Variants in GRXCR1 observed in about 807,000 individuals in gnomAD.
GRXCR1 encodes the protein glutaredoxin and cysteine rich domain containing 1.
In GRXCR1, 27 loss-of-function variants were observed where a neutral mutation model predicts 27.3. That is an observed-to-expected ratio of 0.99 (90% CI 0.73 to 1.37). The LOEUF is 1.37. GRXCR1 is among the 40% of genes most tolerant of loss of function. GRXCR1 has a pLI of 0.00. For synonymous variants in GRXCR1, 122 were observed against 131.1 expected, an observed-to-expected ratio of 0.93 and a Z score of 0.47; for missense variants, 379 against 354.4, an observed-to-expected ratio of 1.07 and a Z score of -0.56.
chr4:42,932,978 C>T (rs929936271), intron 1 of GRXCR1, among the ~76,000 whole-genome samples: 1 of 151,716 alleles, frequency 6.6e-6, no homozygotes, highest in African/African-American at 2.4e-5. Flanking sequence ...ATGAGAGAAT[C>T]ATCTATATGA....
chr4:42,987,655 G>C (rs575690728), intron 2 of GRXCR1, among the ~76,000 whole-genome samples: 1 of 152,180 alleles, frequency 6.6e-6, no homozygotes, highest in Admixed American at 6.6e-5. Flanking sequence ...AAGATTTCTA[G>C]AGAGAACAAA....
At chr4:42,991,168 G>A (rs1328175961) in intron 2 of GRXCR1, among the ~76,000 whole-genome samples, 1 of 151,832 alleles carries the variant, frequency 6.6e-6, no homozygotes, top group African/African-American at 2.4e-5. Flanking sequence ...TATGCATTTT[G>A]TTTTATTTTG....
chr4:42,943,663 G>A (rs768664170), intron 1 of GRXCR1, among the ~76,000 whole-genome samples: 2 of 152,066 alleles, frequency 1.3e-5, no homozygotes, highest in Non-Finnish European at 1.5e-5. Context: ...ATGGAGAAGA[G>A]CATGAGCATC....
At chr4:42,932,703 A>G (rs1251523716) in intron 1 of GRXCR1, among the ~76,000 whole-genome samples, 2 of 144,380 alleles carry the variant, frequency 1.4e-5, no homozygotes, top group South Asian at 4.5e-4. Context: ...CAGGGCTTCT[A>G]AAAAATATGA....
chr4:42,996,788 T>C (rs1472499497), intron 2 of GRXCR1, among the ~76,000 whole-genome samples: 1 of 151,906 alleles, frequency 6.6e-6, no homozygotes. Context: ...CCTGACAAAA[T>C]AAAATATAAA....
chr4:42,975,967 A>T (rs1323264535), intron 2 of GRXCR1, among the ~76,000 whole-genome samples: 2 of 152,120 alleles, frequency 1.3e-5, no homozygotes, highest in Admixed American at 1.3e-4. Flanking sequence ...TTATAGACCC[A>T]AGGAACAGCT....
intron 1 of GRXCR1, among the ~76,000 whole-genome samples, chr4:42,923,570 T>C (rs991573452): frequency 2.0e-5 from 3 of 152,128 alleles, no homozygotes; most frequent in South Asian, 4.1e-4. Flanking sequence ...AATAGCATGA[T>C]TGTAATTTGG....
chr4:42,975,603 C>T lies in GRXCR1; in HGVS notation c.627+12469C>T, dbSNP rs571348422. On this transcript the variant is annotated intron_variant, in intron 2 of 3. Coordinates refer to ENST00000399770, the MANE Select transcript of GRXCR1 (RefSeq NM_001080476.3). ...CTGGAGGCAGTGATACCGGAGTCCACGGTCTTACTGGAAACTGTAATCCCC... is the reference window on the plus strand; with the variant it reads ...CTGGAGGCAGTGATACCGGAGTCCATGGTCTTACTGGAAACTGTAATCCCC... Among the ~76,000 whole-genome samples the T allele has an allele frequency of 9.2e-5, 14 of 152,212 alleles. 1 individual carries two copies. The highest frequency in any genetic ancestry group is 5.8e-4 in the East Asian group (3 of 5,174).
At chr4:43,004,590 C>G (rs1031474348) in intron 2 of GRXCR1, among the ~76,000 whole-genome samples, 19 of 152,124 alleles carry the variant, frequency 1.2e-4, no homozygotes, top group African/African-American at 4.6e-4. Flanking sequence ...CCTTGGGAGC[C>G]CACCCTTTGC....
intron 2 of GRXCR1, among the ~76,000 whole-genome samples, chr4:42,976,651 T>C (rs1485287973): frequency 1.3e-5 from 2 of 151,974 alleles, no homozygotes; most frequent in Non-Finnish European, 2.9e-5. Context: ...TTCTTTTGCA[T>C]GTATGTAATT....
At chr4:42,928,923 A>G (rs1358447696) in intron 1 of GRXCR1, among the ~76,000 whole-genome samples, 1 of 152,038 alleles carries the variant, frequency 6.6e-6, no homozygotes, top group Non-Finnish European at 1.5e-5. Flanking sequence ...GTCTCTAAGA[A>G]CTAGCCTAGC....
chr4:42,977,605 C>A (rs1748554151), intron 2 of GRXCR1, among the ~76,000 whole-genome samples: 1 of 151,716 alleles, frequency 6.6e-6, no homozygotes, highest in African/African-American at 2.4e-5. Context: ...TCATTTTATG[C>A]CTTCTTTTGA....
intron 1 of GRXCR1, among the ~76,000 whole-genome samples, chr4:42,896,563 A>G (rs1001918232): frequency 1.3e-5 from 2 of 152,054 alleles, no homozygotes; most frequent in Non-Finnish European, 1.5e-5. Flanking sequence ...ACTCTCCCAG[A>G]GATAACAAGA....
chr4:42,913,534 A>G (rs1746811533), intron 1 of GRXCR1, among the ~76,000 whole-genome samples: 2 of 152,240 alleles, frequency 1.3e-5, no homozygotes, highest in African/African-American at 4.8e-5. Flanking sequence ...GAAATTTCTA[A>G]GTGGCAAAGC....
At chr4:42,935,404 C>T (rs545483459) in intron 1 of GRXCR1, among the ~76,000 whole-genome samples, 1 of 151,518 alleles carries the variant, frequency 6.6e-6, no homozygotes, top group Non-Finnish European at 1.5e-5. Flanking sequence ...GTATTACAGA[C>T]AGAAGTATAG....
intron 2 of GRXCR1, among the ~76,000 whole-genome samples, chr4:43,003,475 G>T (rs1712448679): frequency 6.6e-6 from 1 of 152,196 alleles, no homozygotes; most frequent in Admixed American, 6.5e-5. Context: ...GAAGATTAGG[G>T]AAAGTTTGCA....
intron 3 of GRXCR1, among the ~76,000 whole-genome samples, chr4:43,023,550 T>A (rs967744172): frequency 6.6e-6 from 1 of 152,188 alleles, no homozygotes; most frequent in Non-Finnish European, 1.5e-5. Flanking sequence ...TAGTAACACA[T>A]GTGATAGCTT....
intron 1 of GRXCR1, among the ~76,000 whole-genome samples, chr4:42,943,459 C>T (rs1046223363): frequency 7.2e-5 from 11 of 151,986 alleles, no homozygotes; most frequent in South Asian, 4.1e-4. Context: ...TACTTGCTAA[C>T]GAATAAGATC....
At position 43,015,948 on chromosome 4, in the gene GRXCR1, C is replaced by T. The variant is rs371491235; in HGVS notation, c.628-4406C>T. Among the ~76,000 whole-genome samples the T allele has an allele frequency of 3.7e-4, 56 of 151,936 alleles. 1 individual carries two copies. In the East Asian group the frequency reaches 3.9e-3, roughly 10 times the overall value. ...TGATGTCCCATGTGGAATTCCAGACCCTGGATATCCGTACACAGATAGCTA... is the reference window on the plus strand; with the variant it reads ...TGATGTCCCATGTGGAATTCCAGACTCTGGATATCCGTACACAGATAGCTA... On this transcript the variant is annotated intron_variant, in intron 2 of 3. Transcript: ENST00000399770.
Sources: gnomAD v4.1 joint callset for allele counts (sites outside exome capture counted in the v4.1 genomes callset) on GRCh38, gnomAD v4.1.1 for gene constraint, MANE v1.5 for transcripts, NCBI Gene and HGNC (gene_info 2026-07-23, HGNC 2026-07-21) for gene names.